Variants in SLIT3 observed in about 807,000 individuals in gnomAD.
SLIT3 encodes the protein slit guidance ligand 3, also known as slit homolog 3 protein.
SLIT3 carries 68 observed loss-of-function variants against 184.0 expected under a neutral mutation model. The observed-to-expected ratio is 0.37, with a 90% CI of 0.30 to 0.45. The LOEUF (loss-of-function observed/expected upper bound fraction) is 0.45, where lower values mean the gene tolerates loss of function less well. Ranked by LOEUF, SLIT3 falls within the 20% of genes least tolerant of loss-of-function variation. The pLI is 1.00. For missense variants in SLIT3, 1,707 were observed against 2,026.0 expected (o/e 0.84, Z 3.02); for synonymous variants, 831 against 828.6 (o/e 1.00, Z -0.05).
chr5:168,683,693 C>T (rs1212252322), intron 32 of SLIT3, among the ~76,000 whole-genome samples: 1 of 152,208 alleles, frequency 6.6e-6, no homozygotes, highest in African/African-American at 2.4e-5. Flanking sequence ...GCGCGCACTC[C>T]CGCACAGTAG....
chr5:169,147,417 T>C (rs561991584), intron 4 of SLIT3, among the ~76,000 whole-genome samples: 1 of 152,292 alleles, frequency 6.6e-6, no homozygotes, highest in Admixed American at 6.5e-5. Context: ...TATGGGCACG[T>C]GCCACCATGC....
At chr5:168,959,073 A>G (rs568529331) in intron 4 of SLIT3, among the ~76,000 whole-genome samples, 3 of 152,392 alleles carry the variant, frequency 2.0e-5, no homozygotes, top group Non-Finnish European at 2.9e-5. Flanking sequence ...CAGTCAGTCA[A>G]TCTGGGCTGA....
intron 4 of SLIT3, among the ~76,000 whole-genome samples, chr5:168,891,120 C>A (rs1326249951): frequency 6.6e-6 from 1 of 152,160 alleles, no homozygotes; most frequent in Non-Finnish European, 1.5e-5. Context: ...TCTTCATGTT[C>A]TAGCATGAAG....
rs182368999 is a variant in SLIT3, at chr5:169,064,574, C to A, written c.413+128905G>T. Among the ~76,000 whole-genome samples, 461 of 152,228 alleles carry A rather than the reference C, an allele frequency of 3.0e-3. 6 individuals are homozygous for A. The South Asian group carries it at 0.043, about 14-fold the overall frequency. ...AAACTAACAGAGCCAAAATTTGAAC[C>A]CAGGTTCTTCTGCTGCCAAATTTCA... On this transcript the variant is annotated intron_variant, in intron 4 of 35. Coordinates refer to ENST00000519560, the MANE Select transcript of SLIT3 (RefSeq NM_003062.4).
intron 16 of SLIT3, among the ~76,000 whole-genome samples, chr5:168,755,473 T>G (rs1754909673): frequency 7.2e-6 from 1 of 139,726 alleles, no homozygotes; most frequent in African/African-American, 2.5e-5. Flanking sequence ...CTCTCCTTGT[T>G]GCCCAGGCTA....
intron 4 of SLIT3, among the ~76,000 whole-genome samples, chr5:169,097,366 G>C (rs1167439398): frequency 1.3e-5 from 2 of 152,038 alleles, no homozygotes; most frequent in African/African-American, 4.8e-5. Flanking sequence ...TAGATAAATG[G>C]GGAGGAGGAA....
At chr5:168,834,677 ACT>A (rs1289901169) in intron 6 of SLIT3, among the ~76,000 whole-genome samples, 1 of 116,724 alleles carries the variant, frequency 8.6e-6, no homozygotes, top group Non-Finnish European at 1.7e-5. Context: ...ACACAGCGAG[ACT>A]CTGTCTCAAA....
At chr5:168,865,001 C>G (rs1032547987) in intron 5 of SLIT3, among the ~76,000 whole-genome samples, 16 of 152,156 alleles carry the variant, frequency 1.1e-4, no homozygotes, top group African/African-American at 3.4e-4. Context: ...AACCCCATCT[C>G]TACTAAAAAT....
chr5:168,841,443 A>G (rs1758245908), intron 6 of SLIT3, among the ~76,000 whole-genome samples: 1 of 152,124 alleles, frequency 6.6e-6, no homozygotes, highest in South Asian at 2.1e-4. Context: ...CCCCGATACT[A>G]TGCTTTTCTT....
At chr5:169,215,109 A>G (rs1296651354) in intron 3 of SLIT3, among the ~76,000 whole-genome samples, 5 of 152,150 alleles carry the variant, frequency 3.3e-5, no homozygotes, top group Admixed American at 3.3e-4. Flanking sequence ...ATCCTTCAGT[A>G]GCTCCCCATT....
intron 4 of SLIT3, among the ~76,000 whole-genome samples, chr5:168,888,064 G>A (rs1273568132): frequency 6.6e-6 from 1 of 152,190 alleles, no homozygotes; most frequent in Non-Finnish European, 1.5e-5. Context: ...TCTGTCTTAT[G>A]TTGGGTTCTC....
intron 4 of SLIT3, among the ~76,000 whole-genome samples, chr5:169,091,110 T>A (rs773492949): frequency 6.6e-6 from 1 of 152,328 alleles, no homozygotes; most frequent in South Asian, 2.1e-4. Context: ...GACGGGTATA[T>A]AATGGATGAC....
intron 26 of SLIT3, chr5:168,707,302 T>A (rs915210052): frequency 2.0e-5 from 3 of 152,522 alleles, no homozygotes; most frequent in Non-Finnish European, 2.9e-5. Context: ...CTTGGCACAG[T>A]CTGTACTCGG....
At chr5:169,254,166 T>C (rs1040647904) in intron 1 of SLIT3, among the ~76,000 whole-genome samples, 2 of 152,198 alleles carry the variant, frequency 1.3e-5, no homozygotes, top group Non-Finnish European at 2.9e-5. Flanking sequence ...AGGAGCTTTG[T>C]CTCCTACTTG....
chr5:169,258,770 G>A (rs866846755), intron 1 of SLIT3, among the ~76,000 whole-genome samples: 4 of 152,218 alleles, frequency 2.6e-5, no homozygotes, highest in Admixed American at 1.3e-4. Context: ...CTTGGCACAT[G>A]TATATCCATA....
chr5:168,706,008 T>C (rs1762362471), intron 26 of SLIT3, among the ~76,000 whole-genome samples: 1 of 152,236 alleles, frequency 6.6e-6, no homozygotes, highest in Non-Finnish European at 1.5e-5. Flanking sequence ...CTATACTATG[T>C]ATGGAATTGA....
intron 10 of SLIT3, among the ~76,000 whole-genome samples, chr5:168,793,936 C>T (rs573858570): frequency 3.3e-5 from 5 of 152,250 alleles, no homozygotes; most frequent in South Asian, 2.1e-4. Context: ...GGAAGAAGTA[C>T]GTGCTTCGAG....
At chr5:169,167,405 G>C (rs57731712) in intron 4 of SLIT3, among the ~76,000 whole-genome samples, 1 of 150,282 alleles carries the variant, frequency 6.7e-6, no homozygotes, top group East Asian at 2.0e-4. Context: ...CTCCCGAGTA[G>C]CTGGGATTAC....
At chr5:169,177,571 C>T (rs1763022706) in intron 4 of SLIT3, among the ~76,000 whole-genome samples, 1 of 152,072 alleles carries the variant, frequency 6.6e-6, no homozygotes. Context: ...ACCCTGCCCA[C>T]CAGGAAAGCC....
Sources: allele counts gnomAD v4.1 joint callset (sites outside exome capture counted in the v4.1 genomes callset), GRCh38; gene constraint gnomAD v4.1.1; transcripts MANE v1.5; gene names NCBI Gene and HGNC (gene_info 2026-07-23, HGNC 2026-07-21).